Variants in LDAH observed in about 807,000 individuals in gnomAD.
The protein encoded by LDAH is lipid droplet-associated hydrolase.
A neutral mutation model predicts 29.6 loss-of-function variants in LDAH; 26 were observed. The ratio of observed to expected loss-of-function variants is 0.88; its 90% confidence interval spans 0.64 to 1.22. The LOEUF (loss-of-function observed/expected upper bound fraction) is 1.22, where lower values mean the gene tolerates loss of function less well. Among genes scored for constraint, LDAH ranks in the 50% most tolerant of loss-of-function variants. LDAH has a pLI of 0.00. For synonymous variants in LDAH, 117 were observed against 133.0 expected, an observed-to-expected ratio of 0.88 and a Z score of 0.83; for missense variants, 344 against 387.3, an observed-to-expected ratio of 0.89 and a Z score of 0.94.
intron 3 of LDAH, among the ~76,000 whole-genome samples, chr2:20,785,893 T>C (rs1558477012): frequency 6.6e-6 from 1 of 152,186 alleles, no homozygotes. Flanking sequence ...ACTGTCTGCT[T>C]GCATTACCCA....
chr2:20,720,013 C>T (rs532947196), intron 5 of LDAH, among the ~76,000 whole-genome samples: 1 of 152,124 alleles, frequency 6.6e-6, no homozygotes, highest in South Asian at 2.1e-4. Context: ...GCTAATATCA[C>T]ACTGAACAGT....
At position 20,698,679 on chromosome 2, in the gene LDAH, C is replaced by CA. The variant is rs1351095505; in HGVS notation, c.786+2890dup. On this transcript the variant is annotated intron_variant, in intron 6 of 6. Transcript: ENST00000237822. The surrounding 1 kb of genome is among the most constrained non-coding windows in gnomAD (Gnocchi z 4.4). ...TGGGCGACAGTGCAAGACTCTGTCT[C>CA]AAAAAAACAAAAAAAGGAAAAAGAA... Among the ~76,000 whole-genome samples the CA allele has an allele frequency of 6.6e-6, 1 of 150,650 alleles. No homozygotes were observed. Among genetic ancestry groups the CA allele is most frequent in the East Asian group, 1.9e-4 (1 of 5,170 alleles).
intron 5 of LDAH, among the ~76,000 whole-genome samples, chr2:20,735,827 G>C (rs1666734061): frequency 6.6e-6 from 1 of 152,120 alleles, no homozygotes; most frequent in Non-Finnish European, 1.5e-5. Flanking sequence ...GTAGGGGAAG[G>C]AATTCTGACT....
intron 5 of LDAH, among the ~76,000 whole-genome samples, chr2:20,734,338 TTC>T (rs1666628274): frequency 6.6e-6 from 1 of 152,194 alleles, no homozygotes; most frequent in South Asian, 2.1e-4. Flanking sequence ...TTTCTGTTTG[TTC>T]TCTGTCATGT....
chr2:20,802,414 G>A (rs1029650442), intron 1 of LDAH, among the ~76,000 whole-genome samples: 4 of 152,070 alleles, frequency 2.6e-5, no homozygotes, highest in Admixed American at 2.6e-4. Flanking sequence ...AAATGGATAG[G>A]TGGGAAAAAA....
Position 20,737,334 on chromosome 2 carries a change from G to A in LDAH, c.703+2637C>T, listed in dbSNP as rs148681427. 1.8e-3 allele frequency among the ~76,000 whole-genome samples: 273 copies of A among 152,250 alleles called. 2 individuals are homozygous for A. Among genetic ancestry groups the A allele is most frequent in the East Asian group, 6.4e-3 (33 of 5,178 alleles). Reference sequence around the variant, plus strand: ...AAAGTCCATTTACTCTATCTTCCTGGAAGCAGAAGTCCCAGGAGGAAAATG... The same window carrying A: ...AAAGTCCATTTACTCTATCTTCCTGAAAGCAGAAGTCCCAGGAGGAAAATG... On this transcript the variant is annotated intron_variant, in intron 5 of 6. Coordinates refer to ENST00000237822, the MANE Select transcript of LDAH (RefSeq NM_021925.4).
chr2:20,807,525 G>T (rs1672153258), intron 1 of LDAH, among the ~76,000 whole-genome samples: 1 of 151,964 alleles, frequency 6.6e-6, no homozygotes, highest in Non-Finnish European at 1.5e-5. Flanking sequence ...TCAGAAATGA[G>T]AAGTTGTTTA....
In LDAH at chr2:20,684,097, T is replaced by C. The variant is rs1197298542; in HGVS notation, c.*2806A>G. 6.6e-6 allele frequency: 1 copy of C among 152,170 alleles called. No homozygotes were observed. The highest frequency in any genetic ancestry group is 1.5e-5 in the Non-Finnish European group (1 of 68,024). The allele number at this position is 152,170 out of a possible 1,614,324, so 9.4% of individuals were successfully genotyped here. On this transcript the variant is annotated 3_prime_UTR_variant, in exon 7 of 7. Transcript: ENST00000237822. ...CTCAAACTTCCAAAAAATCTGCAAG[T>C]ACAAAGAACATTATTTTCCCCTCAA...
intron 2 of LDAH, among the ~76,000 whole-genome samples, chr2:20,791,650 C>A (rs550429517): frequency 6.6e-6 from 1 of 152,178 alleles, no homozygotes; most frequent in East Asian, 1.9e-4. Context: ...CACTGTATAG[C>A]TAAGGAAGAA....
At chr2:20,797,446 A>T (rs1490078317) in intron 2 of LDAH, among the ~76,000 whole-genome samples, 1 of 152,234 alleles carries the variant, frequency 6.6e-6, no homozygotes, top group Non-Finnish European at 1.5e-5. Context: ...GAAATCCGTC[A>T]ATGAAATGCT....
chr2:20,762,210 T>A (rs1470017170), intron 4 of LDAH, among the ~76,000 whole-genome samples: 1 of 152,172 alleles, frequency 6.6e-6, no homozygotes, highest in African/African-American at 2.4e-5. Context: ...TTTTTTGTTA[T>A]AATAGATAAT....
rs542749883 is a variant in LDAH at position 20,748,427 on chromosome 2, T to A, written c.469-8222A>T. On this transcript the variant is annotated intron_variant, in intron 4 of 6. Coordinates refer to ENST00000237822, the MANE Select transcript of LDAH (RefSeq NM_021925.4). ...CTGAAACTTAGCTTCAATATCTTCCTATAGCCCATTCTTCTCAAGCTTTTA... is the reference window on the plus strand; with the variant it reads ...CTGAAACTTAGCTTCAATATCTTCCAATAGCCCATTCTTCTCAAGCTTTTA... Among the ~76,000 whole-genome samples, 35 of 152,372 alleles carry A rather than the reference T, an allele frequency of 2.3e-4. No homozygotes were observed. In the South Asian group the frequency reaches 7.2e-3, roughly 32 times the overall value.
chr2:20,807,602 T>C (rs1572676378), intron 1 of LDAH, among the ~76,000 whole-genome samples: 1 of 152,126 alleles, frequency 6.6e-6, no homozygotes, highest in East Asian at 1.9e-4. Flanking sequence ...TATAATCATC[T>C]CAATTGATAC....
chr2:20,748,081 C>T (rs1447327420), intron 4 of LDAH, among the ~76,000 whole-genome samples: 1 of 152,152 alleles, frequency 6.6e-6, no homozygotes, highest in Non-Finnish European at 1.5e-5. Context: ...TGTCTCAAAT[C>T]ATTTAGCTCC....
chr2:20,809,987 T>C (rs1672362219), intron 1 of LDAH, among the ~76,000 whole-genome samples: 1 of 152,296 alleles, frequency 6.6e-6, no homozygotes, highest in South Asian at 2.1e-4. Flanking sequence ...CAGGAAACAT[T>C]GGGTGTTCCA....
rs1307347111 is a variant in LDAH at position 20,823,078 on chromosome 2, G to A, written c.-44C>T. 1 of 152,298 alleles carries A rather than the reference G, an allele frequency of 6.6e-6. No individual in the cohort carries two copies. The highest frequency in any genetic ancestry group is 1.5e-5 in the Non-Finnish European group (1 of 68,144). The allele number at this position is 152,298 out of a possible 1,614,324, so 9.4% of individuals were successfully genotyped here. A position where few individuals can be genotyped will look rare whatever the true frequency, so the allele number is the denominator to read the frequency against. On this transcript the variant is annotated 5_prime_UTR_variant, in exon 1 of 7. Transcript: ENST00000237822. ...CTGCCCGCTCTCCCTGAGGGTCCTGGGAAGGCGGCACGAGACCGGAAGTGC... is the reference window on the plus strand; with the variant it reads ...CTGCCCGCTCTCCCTGAGGGTCCTGAGAAGGCGGCACGAGACCGGAAGTGC...
In LDAH at chr2:20,811,827, C is replaced by A. The variant is rs181067056; in HGVS notation, c.-2-10362G>T. Among the ~76,000 whole-genome samples, 397 of 152,214 alleles carry A rather than the reference C, an allele frequency of 2.6e-3. 2 individuals carry two copies. Among genetic ancestry groups the A allele is most frequent in the Non-Finnish European group, 4.5e-3 (303 of 68,012 alleles). Reference sequence around the variant, plus strand: ...AGGACTATGAAAGACAGAAAAAACACAAGATTACACTAGAGTTTGGCAGCT... The same window carrying A: ...AGGACTATGAAAGACAGAAAAAACAAAAGATTACACTAGAGTTTGGCAGCT... On this transcript the variant is annotated intron_variant, in intron 1 of 6. Transcript: ENST00000237822.
chr2:20,816,072 A>G (rs1175894893), intron 1 of LDAH, among the ~76,000 whole-genome samples: 2 of 152,126 alleles, frequency 1.3e-5, no homozygotes, highest in Non-Finnish European at 2.9e-5. Context: ...ATCCCTTGTG[A>G]TAAGTTGTTA....
rs573951229 is a variant in LDAH, at chr2:20,736,730, T to C, written c.703+3241A>G. On this transcript the variant is annotated intron_variant, in intron 5 of 6. Coordinates refer to ENST00000237822, the MANE Select transcript of LDAH (RefSeq NM_021925.4). ...GATTCTAAATCACCATGGACTCTAT[T>C]ATCAACGCAAAGGGCACTAACTTAA... Among the ~76,000 whole-genome samples the C allele has an allele frequency of 3.9e-5, 6 of 152,234 alleles. No individual in the cohort carries two copies. The South Asian group carries it at 1.0e-3, about 26-fold the overall frequency.
Sources: allele counts gnomAD v4.1 joint callset (sites outside exome capture counted in the v4.1 genomes callset), GRCh38; gene constraint gnomAD v4.1.1; non-coding constraint Gnocchi (gnomAD v3.1); transcripts MANE v1.5; gene names NCBI Gene and HGNC (gene_info 2026-07-23, HGNC 2026-07-21).